DCAF1: variants seen among roughly 807,000 people sequenced by gnomAD.
The protein encoded by DCAF1 is DDB1 and CUL4 associated factor 1.
Under a neutral mutation model 128.0 loss-of-function variants are expected in DCAF1, and 15 were observed. The ratio of observed to expected loss-of-function variants is 0.12; its 90% CI spans 0.08 to 0.18. The LOEUF (loss-of-function observed/expected upper bound fraction) is 0.18. DCAF1 is among the 10% of genes least tolerant of loss of function. The probability of loss-of-function intolerance (pLI) is 1.00; values close to 1 mark genes in which losing one functional copy is unlikely to be tolerated. For synonymous variants in DCAF1, 610 were observed against 603.0 expected, an observed-to-expected ratio of 1.01 and a Z score of -0.17; for missense variants, 988 against 1,649.5, an observed-to-expected ratio of 0.60 and a Z score of 6.95.
chr3:51,399,475 G>A (rs2089482547), intron 24 of DCAF1, among the ~76,000 whole-genome samples: 1 of 152,340 alleles, frequency 6.6e-6, no homozygotes, highest in East Asian at 1.9e-4. Flanking sequence ...CAGGAGGCCA[G>A]CGGGAGCAGT....
intron 5 of DCAF1, among the ~76,000 whole-genome samples, chr3:51,464,622 G>A (rs1310609127): frequency 6.6e-6 from 1 of 151,978 alleles, no homozygotes; most frequent in Non-Finnish European, 1.5e-5. Context: ...TTAAACATGG[G>A]AGGTCAAGGC....
In DCAF1 at chr3:51,476,557, ATATAAAT is replaced by A. The variant is rs1195710252; in HGVS notation, c.111-5559_111-5553del. 3.9e-5 allele frequency among the ~76,000 whole-genome samples: 5 copies of A among 128,924 alleles called. No individual in the cohort carries two copies. The East Asian group carries it at 7.7e-4, about 20-fold the overall frequency. The allele number at this position is 128,924 out of a possible 152,430, so 84.6% of individuals were successfully genotyped here. On this transcript the variant is annotated intron_variant, in intron 3 of 24. Transcript: ENST00000684031. ...TCCATCTAGCAGAGTACTTTACAGT[ATATAAAT>A]TATATCTCAAAAAAAAAAAAAAAAA... is the stretch of plus-strand genomic sequence containing the variant.
At chr3:51,436,119 C>T (rs1228347286) in intron 9 of DCAF1, among the ~76,000 whole-genome samples, 2 of 152,192 alleles carry the variant, frequency 1.3e-5, no homozygotes, top group Non-Finnish European at 2.9e-5. Context: ...TGACTATACA[C>T]CCCAGTACTG....
At chr3:51,472,994 T>C (rs576228766) in intron 3 of DCAF1, among the ~76,000 whole-genome samples, 11 of 148,042 alleles carry the variant, frequency 7.4e-5, no homozygotes, top group African/African-American at 2.7e-4. Flanking sequence ...ACAAGAAAAA[T>C]GGCTGGGCAC....
At chr3:51,473,492 AAAAAAAAAAC>A (rs1212603511) in intron 3 of DCAF1, among the ~76,000 whole-genome samples, 2 of 146,932 alleles carry the variant, frequency 1.4e-5, no homozygotes, top group Non-Finnish European at 3.0e-5. Flanking sequence ...CTCCATCTCA[AAAAAAAAAAC>A]AAAAAACAAA....
At chr3:51,471,277 G>A (rs1407808942) in intron 3 of DCAF1, among the ~76,000 whole-genome samples, 1 of 149,704 alleles carries the variant, frequency 6.7e-6, no homozygotes, top group African/African-American at 2.5e-5. Flanking sequence ...TCTACCTCCT[G>A]GGTTCATGCC....
chr3:51,430,270 A>G (rs782173236), intron 10 of DCAF1, 58 bp from the exon 11 acceptor site: 6 of 730,528 alleles, frequency 8.2e-6, no homozygotes, highest in Non-Finnish European at 1.5e-5. Context: ...GAGCCCTTGA[A>G]CAGGATGGAA....
intron 2 of DCAF1, among the ~76,000 whole-genome samples, 113 bp downstream of exon 2, chr3:51,496,621 C>T (rs1708262255): frequency 6.6e-6 from 1 of 151,822 alleles, no homozygotes; most frequent in South Asian, 2.1e-4. Context: ...TTTTCACAAC[C>T]ATCCTACCCT....
chr3:51,469,758 C>T (rs1337266906), intron 4 of DCAF1, among the ~76,000 whole-genome samples: 2 of 152,050 alleles, frequency 1.3e-5, no homozygotes, highest in Non-Finnish European at 2.9e-5. Context: ...CAGTGGCTCA[C>T]GCCTGTAATC....
In DCAF1 at chr3:51,413,069, G is replaced by A. The variant is rs1187957247; in HGVS notation, c.4037-3C>T. 1 of 1,613,732 alleles carries A rather than the reference G, an allele frequency of 6.2e-7. No homozygotes were observed. The highest frequency in any genetic ancestry group is 2.2e-5 in the East Asian group (1 of 44,884). On this transcript the variant is annotated splice_polypyrimidine_tract_variant and splice_region_variant and intron_variant, in intron 21 of 24. Transcript: ENST00000684031. ...GTTCCGTTTCACATCAATGGTTGCT[G>A]GAAAATAGAATGTGAGAAGATTGGG...
chr3:51,415,322 C>T (rs1281479966), intron 18 of DCAF1, among the ~76,000 whole-genome samples: 5 of 151,918 alleles, frequency 3.3e-5, no homozygotes, highest in South Asian at 2.1e-4. Context: ...GGGGAAATGC[C>T]GTCTCTACAA....
At chr3:51,452,047 A>G (rs1553641634) in intron 6 of DCAF1, among the ~76,000 whole-genome samples, 1 of 152,002 alleles carries the variant, frequency 6.6e-6, no homozygotes, top group African/African-American at 2.4e-5. Context: ...TAGAGCAATA[A>G]GTCTTTTTCT....
intron 3 of DCAF1, among the ~76,000 whole-genome samples, chr3:51,473,883 A>C (rs1553649420): frequency 6.6e-6 from 1 of 151,374 alleles, no homozygotes; most frequent in Admixed American, 6.6e-5. Context: ...GGCTCACTGC[A>C]ACCTCTGCCT....
chr3:51,464,720 T>C (rs1577235473), intron 5 of DCAF1, among the ~76,000 whole-genome samples: 1 of 149,832 alleles, frequency 6.7e-6, no homozygotes, highest in Non-Finnish European at 1.5e-5. Flanking sequence ...GAGGTGACAG[T>C]TGGGAAAACA....
chr3:51,486,981 T>G (rs1707045677), intron 2 of DCAF1, among the ~76,000 whole-genome samples: 1 of 150,862 alleles, frequency 6.6e-6, no homozygotes, highest in African/African-American at 2.4e-5. Context: ...TTTTCTTTTT[T>G]TTTTTAAGAC....
Position 51,413,969 on chromosome 3 carries a change from C to A in DCAF1, c.3912G>T (p.Thr1304=), listed in dbSNP as rs782630338. 1.3e-6 allele frequency: 2 copies of A among 1,592,212 alleles called. No individual in the cohort carries two copies. The highest frequency in any genetic ancestry group is 2.3e-5 in the East Asian group (1 of 43,952). ...TATTACCTCCATACATCACTGTTCC[C>A]GTGTGATTGAACACCACGCGACACT... ...LDQCRVVFNH[T]GTVMYGAMLQ... Residue 1304 remains threonine, a synonymous_variant, in exon 20 of 25, where the codon ACG becomes ACT. Transcript: ENST00000684031.
chr3:51,432,612 C>T (rs980489620), intron 10 of DCAF1, among the ~76,000 whole-genome samples: 2 of 152,108 alleles, frequency 1.3e-5, no homozygotes, highest in Admixed American at 6.5e-5. Context: ...GCACCTGCCA[C>T]CATGCCCAGC....
At chr3:51,486,785 C>G (rs782577038) in intron 2 of DCAF1, among the ~76,000 whole-genome samples, 2 of 151,668 alleles carry the variant, frequency 1.3e-5, no homozygotes, top group Non-Finnish European at 2.9e-5. Flanking sequence ...AGATACACGC[C>G]AGCATGCCCG....
intron 4 of DCAF1, among the ~76,000 whole-genome samples, chr3:51,468,547 G>A (rs931363552): frequency 6.6e-6 from 1 of 152,086 alleles, no homozygotes; most frequent in African/African-American, 2.4e-5. Context: ...GGCAAATTTA[G>A]TCAAAACATA....
Sources: allele counts gnomAD v4.1 joint callset (sites outside exome capture counted in the v4.1 genomes callset), GRCh38; gene constraint gnomAD v4.1.1; transcripts MANE v1.5; gene names NCBI Gene and HGNC (gene_info 2026-07-23, HGNC 2026-07-21).